Variants in DIP2C observed in about 807,000 individuals in gnomAD.
DIP2C encodes the protein DIP2 acetate--CoA ligase C (putative).
In DIP2C, 33 loss-of-function variants were observed where a neutral mutation model predicts 192.4. That is an observed-to-expected ratio of 0.17 (90% CI 0.13 to 0.23). The LOEUF (loss-of-function observed/expected upper bound fraction) is 0.23, where lower values mean the gene tolerates loss of function less well. Ranked by LOEUF, DIP2C falls within the 10% of genes least tolerant of loss-of-function variation. The pLI is 1.00. For synonymous variants in DIP2C, 979 were observed against 864.1 expected (o/e 1.13, Z -2.33); for missense variants, 1,537 against 2,110.1 (o/e 0.73, Z 5.32).
At chr10:588,646 G>A (rs895613871) in intron 1 of DIP2C, among the ~76,000 whole-genome samples, 1 of 152,220 alleles carries the variant, frequency 6.6e-6, no homozygotes, top group African/African-American at 2.4e-5. Flanking sequence ...GCTTGCTCCA[G>A]GGCCAAGAGG....
At chr10:565,354 T>TAAAAAAAAAA (rs59721670) in intron 1 of DIP2C, among the ~76,000 whole-genome samples, 21 of 114,096 alleles carry the variant, frequency 1.8e-4, no homozygotes, top group African/African-American at 6.4e-4. Context: ...ACCTGCATTC[T>TAAAAAAAAAA]AAAAAAAAAA....
intron 1 of DIP2C, among the ~76,000 whole-genome samples, chr10:578,818 G>A (rs1028364871): frequency 2.0e-5 from 3 of 151,696 alleles, no homozygotes. Flanking sequence ...TGCATGCATA[G>A]AGAGCACACA....
chr10:526,219 A>C (rs1385849339), intron 1 of DIP2C, among the ~76,000 whole-genome samples: 1 of 152,220 alleles, frequency 6.6e-6, no homozygotes, highest in African/African-American at 2.4e-5. Context: ...CAAAGCCCAC[A>C]GCCGCGTGGT....
At chr10:599,420 A>C (rs1178630553) in intron 1 of DIP2C, among the ~76,000 whole-genome samples, 2 of 152,250 alleles carry the variant, frequency 1.3e-5, no homozygotes, top group East Asian at 3.8e-4. Flanking sequence ...TTGCAGATTA[A>C]ACATCAAGAT....
chr10:373,073 G>A (rs533310512), intron 17 of DIP2C, among the ~76,000 whole-genome samples: 35 of 152,364 alleles, frequency 2.3e-4, no homozygotes, highest in Admixed American at 1.6e-3. Context: ...CAGAAAGGTT[G>A]ACTTCACTGC....
At chr10:555,877 G>A (rs925186779) in intron 1 of DIP2C, among the ~76,000 whole-genome samples, 1 of 152,076 alleles carries the variant, frequency 6.6e-6, no homozygotes, top group Admixed American at 6.5e-5. Context: ...CACAGAACAC[G>A]GTCTTCAGCG....
At chr10:617,655 A>ACCCCCC (rs3049602) in intron 1 of DIP2C, among the ~76,000 whole-genome samples, 24 of 132,322 alleles carry the variant, frequency 1.8e-4, no homozygotes, top group East Asian at 4.8e-4. Context: ...TGTGGATACC[A>ACCCCCC]CCCCCCCACC....
intron 3 of DIP2C, among the ~76,000 whole-genome samples, chr10:471,786 T>C (rs1220978631): frequency 1.3e-5 from 2 of 152,220 alleles, no homozygotes; most frequent in African/African-American, 4.8e-5. Flanking sequence ...GGAGTTTTGC[T>C]CTGTTGCCCA....
intron 17 of DIP2C, among the ~76,000 whole-genome samples, chr10:379,165 C>T (rs1962056640): frequency 7.7e-6 from 1 of 130,274 alleles, no homozygotes; most frequent in South Asian, 2.6e-4. Flanking sequence ...GCCAGGGCTG[C>T]TGCTGGCTCC....
At chr10:357,621 G>A (rs973298973) in intron 23 of DIP2C, among the ~76,000 whole-genome samples, 1 of 152,210 alleles carries the variant, frequency 6.6e-6, no homozygotes, top group Non-Finnish European at 1.5e-5. Context: ...AGGAAGATCT[G>A]CAGTGGTGGT....
At chr10:558,974 C>G (rs1287437109) in intron 1 of DIP2C, among the ~76,000 whole-genome samples, 1 of 151,750 alleles carries the variant, frequency 6.6e-6, no homozygotes, top group African/African-American at 2.4e-5. Context: ...GACCACCCCA[C>G]CCCCTCCACA....
chr10:616,114 C>T (rs895609226), intron 1 of DIP2C, among the ~76,000 whole-genome samples: 1 of 152,162 alleles, frequency 6.6e-6, no homozygotes, highest in Non-Finnish European at 1.5e-5. Flanking sequence ...CCAGGTCATC[C>T]CTCAGTCACA....
At chr10:300,324 T>C (rs1955963191) in intron 32 of DIP2C, among the ~76,000 whole-genome samples, 1 of 152,170 alleles carries the variant, frequency 6.6e-6, no homozygotes, top group Non-Finnish European at 1.5e-5. Flanking sequence ...AAAAGGAAGA[T>C]TTTGACACAA....
chr10:478,748 C>T (rs1045988266), intron 2 of DIP2C, among the ~76,000 whole-genome samples: 4 of 150,816 alleles, frequency 2.7e-5, no homozygotes, highest in Non-Finnish European at 5.9e-5. Flanking sequence ...TCCAAATTCC[C>T]GTCTTATTCT....
chr10:323,474 ACG>A (rs10577963), intron 31 of DIP2C, among the ~76,000 whole-genome samples: 66,108 of 84,688 alleles, frequency 0.78, 29,728 homozygotes, highest in Non-Finnish European at 0.92. Flanking sequence ...CGTTGTTAGA[ACG>A]CAGTCAGTCT....
chr10:365,086 CACCCTTGCAGATAA>C (rs1960031579), intron 19 of DIP2C: 1 of 492,504 alleles, frequency 2.0e-6, no homozygotes, highest in African/African-American at 2.0e-5. Flanking sequence ...TTTTTTCCTC[CACCCTTGCAGATAA>C]ACCAGAGAAA....
rs558231842 is a variant in DIP2C, at chr10:539,815, C to G, written c.86-53285G>C. ...TGCTTTGGTTTTTAAAGTGAAATAA[C>G]AGTTTTCAAAAACAGCTATATCATA... On this transcript the variant is annotated intron_variant, in intron 1 of 36. Transcript: ENST00000280886. Among the ~76,000 whole-genome samples, 16 of 152,256 alleles carry G rather than the reference C, an allele frequency of 1.1e-4. No homozygotes were observed. In the South Asian group the frequency reaches 3.3e-3, roughly 32 times the overall value.
intron 9 of DIP2C, among the ~76,000 whole-genome samples, chr10:400,909 A>G (rs1438671535): frequency 6.9e-6 from 1 of 144,138 alleles, no homozygotes; most frequent in Non-Finnish European, 1.5e-5. Context: ...AGTTTGGTAC[A>G]TTTTCATCAG....
At chr10:671,291 G>A (rs951099850) in intron 1 of DIP2C, among the ~76,000 whole-genome samples, 9 of 152,124 alleles carry the variant, frequency 5.9e-5, no homozygotes, top group Admixed American at 1.3e-4. Flanking sequence ...ACAGACAGAG[G>A]AAACACCACA....
Sources: gnomAD v4.1 joint callset for allele counts (sites outside exome capture counted in the v4.1 genomes callset) on GRCh38, gnomAD v4.1.1 for gene constraint, MANE v1.5 for transcripts, NCBI Gene and HGNC (gene_info 2026-07-23, HGNC 2026-07-21) for gene names.